SZRD1: variants seen among roughly 807,000 people sequenced by gnomAD.
SZRD1 encodes the protein SUZ RNA-binding domain-containing.
In SZRD1, 7 loss-of-function variants were observed where a neutral mutation model predicts 17.6. The ratio of observed to expected loss-of-function variants is 0.40; its 90% CI spans 0.23 to 0.75. The LOEUF (loss-of-function observed/expected upper bound fraction) is 0.75. Among genes scored for constraint, SZRD1 ranks in the 30% least tolerant of loss-of-function variants. The pLI, the probability that SZRD1 is intolerant of heterozygous loss-of-function variation, is 0.38. For synonymous variants in SZRD1, 77 were observed against 77.9 expected, an observed-to-expected ratio of 0.99 and a Z score of 0.06; for missense variants, 178 against 201.8, an observed-to-expected ratio of 0.88 and a Z score of 0.71.
At position 16,395,302 on chromosome 1, in the gene SZRD1, C is replaced by T. The variant is rs138678090; in HGVS notation, c.*162C>T. On this transcript the variant is annotated 3_prime_UTR_variant, in exon 4 of 4. Transcript: ENST00000401088. ...GCTCCGCCCACTGTGACCTTGAACC[C>T]CATGCACTGTGACCTCCCCCCTTCT... The T allele has an allele frequency of 6.7e-3, 4,515 of 675,688 alleles. 48 individuals are homozygous for T. The highest frequency in any genetic ancestry group is 0.049 in the Middle Eastern group (203 of 4,172). 41.9% of individuals were successfully genotyped at this position (675,688 alleles called of 1,614,324 possible).
Position 16,393,526 on chromosome 1 carries a change from C to A in SZRD1, c.356+44C>A. 1 of 1,561,772 alleles carries A rather than the reference C, an allele frequency of 6.4e-7. No homozygotes were observed. Among genetic ancestry groups the A allele is most frequent in the South Asian group, 1.2e-5 (1 of 86,482 alleles). On this transcript the variant is annotated intron_variant, in intron 3 of 3. Coordinates refer to ENST00000401088, the MANE Select transcript of SZRD1 (RefSeq NM_001114600.3). This position sits in a 1 kb window ranked among gnomAD's most constrained non-coding sequence, Gnocchi z 5.6. The stretch of plus-strand genomic sequence containing the variant: ...GCCGGCCAGTGATGGCTGTCCCAGT[C>A]CACCCGGGAAGAGGAGAGCATCCTG...
chr1:16,384,530 G>A (rs1014646660), intron 1 of SZRD1, among the ~76,000 whole-genome samples: 3 of 152,124 alleles, frequency 2.0e-5, no homozygotes, highest in African/African-American at 7.2e-5. Flanking sequence ...GATTCCCAAG[G>A]AATCAGAATC....
At chr1:16,377,592 A>G (rs939839727) in intron 1 of SZRD1, among the ~76,000 whole-genome samples, 33 of 150,492 alleles carry the variant, frequency 2.2e-4, no homozygotes, top group African/African-American at 7.8e-4. Flanking sequence ...GCAAGAAAGG[A>G]TAGGTTCTCT....
rs372595789 is a variant in SZRD1 at position 16,367,271 on chromosome 1, A to G, written c.14A>G (p.Glu5Gly). The G allele has an allele frequency of 1.9e-6, 3 of 1,548,544 alleles. No homozygotes were observed. Among genetic ancestry groups the G allele is most frequent in the African/African-American group, 1.4e-5 (1 of 72,940 alleles). The change falls in exon 1 of 4, where the codon GAG (glutamate) becomes GGG (glycine). Residue 5 changes from glutamate to glycine, a missense_variant. Around this residue, in one of 3 missense-constraint regions of SZRD1, gnomAD observed 117 missense variants for 108.7 expected, o/e 1.08. Coordinates refer to ENST00000401088, the MANE Select transcript of SZRD1 (RefSeq NM_001114600.3). MEDE[E>G]VAESWEEAAD... ...GCGGCGAGTAAGATGGAAGATGAGG[A>G]GGTCGCTGAGAGCTGGGAAGAGGCG...
chr1:16,389,221 C>G (rs2085181255), intron 1 of SZRD1, among the ~76,000 whole-genome samples: 1 of 144,162 alleles, frequency 6.9e-6, no homozygotes, highest in Non-Finnish European at 1.5e-5. Context: ...GTAGCTGGGA[C>G]TACAGGCACC....
Position 16,395,431 on chromosome 1 carries a change from CAGAG to C in SZRD1, c.*294_*297del, listed in dbSNP as rs1193158664. ...AGGTTGGGGGGACCCAGCAAGGACTCAGAGAGTCAGACAGTGCCACTTGGCCACT... is the reference window on the plus strand; with the variant it reads ...AGGTTGGGGGGACCCAGCAAGGACTCAGTCAGACAGTGCCACTTGGCCACT... On this transcript the variant is annotated 3_prime_UTR_variant, in exon 4 of 4. Transcript: ENST00000401088. 8 of 440,154 alleles carry C rather than the reference CAGAG, an allele frequency of 1.8e-5. No individual in the cohort carries two copies. The highest frequency in any genetic ancestry group is 3.4e-5 in the Non-Finnish European group (8 of 236,492). The allele number at this position is 440,154 out of a possible 1,614,324, so 27.3% of individuals were successfully genotyped here. A position where few individuals can be genotyped will look rare whatever the true frequency, so the allele number is the denominator to read the frequency against.
Position 16,397,978 on chromosome 1 carries a change from G to A in SZRD1, c.*2838G>A. Reference sequence around the variant, plus strand: ...CCCAGGGGTGCACATGGGCCCCTTGGGTGTCTGAACAGAAGGGCATGGGAG... The same window carrying A: ...CCCAGGGGTGCACATGGGCCCCTTGAGTGTCTGAACAGAAGGGCATGGGAG... On this transcript the variant is annotated 3_prime_UTR_variant, in exon 4 of 4. Coordinates refer to ENST00000401088, the MANE Select transcript of SZRD1 (RefSeq NM_001114600.3). The surrounding 1 kb of genome is among the most constrained non-coding windows in gnomAD (Gnocchi z 5.4). 2.7e-6 allele frequency: 2 copies of A among 744,426 alleles called. No homozygotes were observed. Among genetic ancestry groups the A allele is most frequent in the Non-Finnish European group, 3.3e-6 (2 of 610,104 alleles). The allele number at this position is 744,426 out of a possible 1,614,324, so 46.1% of individuals were successfully genotyped here. A position where few individuals can be genotyped will look rare whatever the true frequency, so the allele number is the denominator to read the frequency against.
intron 1 of SZRD1, among the ~76,000 whole-genome samples, chr1:16,373,579 C>CAAA (rs551574637): frequency 3.3e-5 from 2 of 61,172 alleles, no homozygotes; most frequent in Non-Finnish European, 3.5e-5. Flanking sequence ...AACTCCGTCT[C>CAAA]AAAAAAAAAA....
rs138041584 is a variant in SZRD1 at position 16,387,998 on chromosome 1, A to G, written c.52-3377A>G. The stretch of plus-strand genomic sequence containing the variant: ...TATTATTGGTGTACCTTTTCCATTC[A>G]GTCATTCAGCATTCTTTGGCACCAA... On this transcript the variant is annotated intron_variant, in intron 1 of 3. Coordinates refer to ENST00000401088, the MANE Select transcript of SZRD1 (RefSeq NM_001114600.3). Among the ~76,000 whole-genome samples, 309 of 152,306 alleles carry G rather than the reference A, an allele frequency of 2.0e-3. 1 individual carries two copies. The highest frequency in any genetic ancestry group is 7.1e-3 in the African/African-American group (295 of 41,560).
At chr1:16,384,361 G>C (rs1202271891) in intron 1 of SZRD1, among the ~76,000 whole-genome samples, 1 of 142,330 alleles carries the variant, frequency 7.0e-6, no homozygotes, top group Non-Finnish European at 1.5e-5. Context: ...AACATAGCAA[G>C]ACCCCGTCTC....
chr1:16,372,398 G>A (rs2082929762), intron 1 of SZRD1, among the ~76,000 whole-genome samples: 1 of 152,128 alleles, frequency 6.6e-6, no homozygotes, highest in Non-Finnish European at 1.5e-5. Flanking sequence ...TCTTGAACCT[G>A]GGAGGCAGAG....
At chr1:16,378,201 A>G (rs932245263) in intron 1 of SZRD1, among the ~76,000 whole-genome samples, 2 of 152,074 alleles carry the variant, frequency 1.3e-5, no homozygotes, top group African/African-American at 4.8e-5. Context: ...GGCATCTACA[A>G]AGTTTTTGAG....
intron 1 of SZRD1, among the ~76,000 whole-genome samples, chr1:16,371,777 A>G (rs1254115948): frequency 1.3e-5 from 2 of 151,800 alleles, no homozygotes; most frequent in Admixed American, 6.6e-5. Context: ...TTAAGACAGA[A>G]GGGTCTTGCT....
In SZRD1 at chr1:16,393,904, T is replaced by G. The variant is rs12567262; in HGVS notation, c.356+422T>G. 0.33 allele frequency among the ~76,000 whole-genome samples: 50,869 copies of G among 152,048 alleles called. 9,872 individuals carry two copies. Among genetic ancestry groups the G allele is most frequent in the East Asian group, 0.68 (3,489 of 5,158 alleles). ...GGTGTTGTGCAATTCAGTGAGTAAA[T>G]GAGCATAGGATGTGGAGAGCCTGGG... On this transcript the variant is annotated intron_variant, in intron 3 of 3. Transcript: ENST00000401088. The surrounding 1 kb of genome is among the most constrained non-coding windows in gnomAD (Gnocchi z 5.6).
intron 1 of SZRD1, among the ~76,000 whole-genome samples, chr1:16,376,133 G>A (rs542847483): frequency 2.0e-5 from 3 of 152,174 alleles, no homozygotes; most frequent in African/African-American, 4.8e-5. Flanking sequence ...TTCCTGGTCC[G>A]GGGAGGAAAT....
At chr1:16,385,436 C>T (rs1036687072) in intron 1 of SZRD1, among the ~76,000 whole-genome samples, 1 of 152,158 alleles carries the variant, frequency 6.6e-6, no homozygotes. Context: ...TGTAAACATT[C>T]GTACCTGAGA....
chr1:16,379,620 GGATCCAGATA>G (rs2083061453), intron 1 of SZRD1, among the ~76,000 whole-genome samples: 1 of 152,100 alleles, frequency 6.6e-6, no homozygotes. Context: ...TTTGTCAACT[GGATCCAGATA>G]GATCCAGTTC....
chr1:16,369,426 A>C (rs2082874423), intron 1 of SZRD1: 1 of 1,067,324 alleles, frequency 9.4e-7, no homozygotes, highest in Admixed American at 1.8e-5. Flanking sequence ...AATTGGCAGC[A>C]TCCATGATTC....
intron 1 of SZRD1, among the ~76,000 whole-genome samples, chr1:16,382,182 T>C (rs762196404): frequency 4.0e-5 from 6 of 150,788 alleles, no homozygotes; most frequent in Non-Finnish European, 7.4e-5. Context: ...GGGGCTAGCA[T>C]GGGTGGGTTT....
Sources: allele counts gnomAD v4.1 joint callset (sites outside exome capture counted in the v4.1 genomes callset), GRCh38; gene constraint gnomAD v4.1.1; regional missense constraint gnomAD v4.1.1; non-coding constraint Gnocchi (gnomAD v3.1); transcripts MANE v1.5; gene names NCBI Gene and HGNC (gene_info 2026-07-23, HGNC 2026-07-21).